TET2: variants seen among roughly 807,000 people sequenced by gnomAD.
TET2 encodes methylcytosine dioxygenase TET2.
A neutral mutation model predicts 142.9 loss-of-function variants in TET2; 299 were observed. The observed-to-expected ratio is 2.09, with a 90% CI of 1.90 to 2.30. TET2 has a LOEUF of 2.30. Among genes scored for constraint, TET2 ranks in the 30% most tolerant of loss-of-function variants. The pLI is 0.00. For missense variants in TET2, 2,418 were observed against 2,378.0 expected (o/e 1.02, Z -0.35); for synonymous variants, 819 against 849.0 (o/e 0.96, Z 0.61).
chr4:105,218,097 T>G (rs1018237765), intron 2 of TET2, among the ~76,000 whole-genome samples: 1 of 152,118 alleles, frequency 6.6e-6, no homozygotes, highest in African/African-American at 2.4e-5. Flanking sequence ...TTTTTAATTT[T>G]CAAAATATTA....
intron 1 of TET2, among the ~76,000 whole-genome samples, chr4:105,177,301 C>A (rs1724855718): frequency 6.6e-6 from 1 of 152,166 alleles, no homozygotes; most frequent in African/African-American, 2.4e-5. Context: ...AAATTTAAAA[C>A]TTCTGCTCTG....
At chr4:105,249,115 T>A (rs1190971021) in intron 6 of TET2, among the ~76,000 whole-genome samples, 1 of 151,668 alleles carries the variant, frequency 6.6e-6, no homozygotes, top group Non-Finnish European at 1.5e-5. Context: ...GCAACCTCTG[T>A]CTCCCGGGTT....
intron 3 of TET2, chr4:105,239,533 A>G (rs1223792117): frequency 4.2e-6 from 1 of 238,572 alleles, no homozygotes. Flanking sequence ...CTAGCTTCCA[A>G]CTTCTCTTCT....
In TET2 at chr4:105,235,164, C is replaced by A. The variant is rs2110225681; in HGVS notation, c.1222C>A (p.Pro408Thr). The A allele has an allele frequency of 6.2e-7, 1 of 1,613,736 alleles. No individual in the cohort carries two copies. Among genetic ancestry groups the A allele is most frequent in the Non-Finnish European group, 8.5e-7 (1 of 1,179,824 alleles). Residue 408 changes from proline (P) to threonine (T), a missense_variant, in exon 3 of 11, where the codon CCC becomes ACC. Physicochemically the swap from Pro to Thr is conservative, Grantham distance 38. Transcript: ENST00000380013. Reference protein sequence around the residue: ...PPPPSQLLLSPPPPLPQVPQL... With the variant: ...PPPPSQLLLSTPPPLPQVPQL... The stretch of plus-strand genomic sequence containing the variant: ...ACCACCATCACAATTGCTTCTTTCT[C>A]CCCCTCCTCCTCTTCCACAGGTTCC...
At chr4:105,248,609 A>G (rs1271167508) in intron 6 of TET2, among the ~76,000 whole-genome samples, 2 of 152,224 alleles carry the variant, frequency 1.3e-5, no homozygotes, top group Non-Finnish European at 2.9e-5. Context: ...ACTTTATTAG[A>G]AAATCAACTT....
At chr4:105,258,361 C>T (rs1730245644) in intron 6 of TET2, among the ~76,000 whole-genome samples, 1 of 152,092 alleles carries the variant, frequency 6.6e-6, no homozygotes, top group South Asian at 2.1e-4. Context: ...GAATACTTTA[C>T]AGGACTTTTC....
chr4:105,235,806 C>T lies in TET2; in HGVS notation c.1864C>T (p.Gln622Ter), dbSNP rs1267284740. 1 of 1,614,076 alleles carries T rather than the reference C, an allele frequency of 6.2e-7. No homozygotes were observed. Among genetic ancestry groups the T allele is most frequent in the Non-Finnish European group, 8.5e-7 (1 of 1,180,016 alleles). ...GGGGCTCCCAAGGCAAGCTTACACC[C>T]AGAAAACAACACAGCTGGAGCACAA... ...PGGLPRQAYT[Q>*]KTTQLEHKSQ... Residue 622 changes from glutamine to a stop codon, truncating the protein, a stop_gained, in exon 3 of 11, where the codon CAG becomes TAG. Coordinates refer to ENST00000380013, the MANE Select transcript of TET2 (RefSeq NM_001127208.3). LOFTEE classifies it high-confidence loss of function.
In TET2 at chr4:105,275,888, C is replaced by T. The variant is rs892395208; in HGVS notation, c.5378C>T (p.Thr1793Ile). The T allele has an allele frequency of 2.6e-6, 4 of 1,551,930 alleles. No homozygotes were observed. Among genetic ancestry groups the T allele is most frequent in the African/African-American group, 1.4e-5 (1 of 73,050 alleles). ...AAGGAGAATGACATGCTTTCCCACA[C>T]AGCTAATGGGTTATCAAAGATGCTT... The part of the protein sequence containing the change: ...QNKENDMLSH[T>I]ANGLSKMLPA... Residue 1793 changes from threonine (T) to isoleucine (I), a missense_variant, in exon 11 of 11, where the codon ACA becomes ATA. Physicochemically the swap from Thr to Ile is moderately conservative, Grantham distance 89. Coordinates refer to ENST00000380013, the MANE Select transcript of TET2 (RefSeq NM_001127208.3).
At position 105,276,341 on chromosome 4, in the gene TET2, C is replaced by T; in HGVS notation, c.5831C>T (p.Ser1944Phe). The change falls in exon 11 of 11, where the codon TCC becomes TTC. Residue 1944 changes from serine to phenylalanine, a missense_variant. Coordinates refer to ENST00000380013, the MANE Select transcript of TET2 (RefSeq NM_001127208.3). ...KYGPDYVPQKSHGKKVKREPA... is the reference protein window; with the variant it reads ...KYGPDYVPQKFHGKKVKREPA... ...GGCCCAGACTATGTGCCTCAGAAAT[C>T]CCATGGCAAAAAAGTGAAACGGGAG... The T allele has an allele frequency of 1.3e-6, 2 of 1,551,620 alleles. No individual in the cohort carries two copies. Among genetic ancestry groups the T allele is most frequent in the Non-Finnish European group, 1.7e-6 (2 of 1,146,966 alleles).
chr4:105,210,056 G>A (rs1394077846), intron 2 of TET2, among the ~76,000 whole-genome samples: 1 of 152,134 alleles, frequency 6.6e-6, no homozygotes, highest in African/African-American at 2.4e-5. Flanking sequence ...GTAACTGCGT[G>A]GATGATAGTA....
At chr4:105,159,169 A>G (rs2110369508) in intron 1 of TET2, among the ~76,000 whole-genome samples, 1 of 152,038 alleles carries the variant, frequency 6.6e-6, no homozygotes, top group Admixed American at 6.5e-5. Context: ...TTAGGTCAGG[A>G]TATTCCCTAA....
Position 105,277,233 on chromosome 4 carries a change from T to TA in TET2, c.*715dup, listed in dbSNP as rs1731268058. 1 of 227,638 alleles carries TA rather than the reference T, an allele frequency of 4.4e-6. No individual in the cohort carries two copies. The highest frequency in any genetic ancestry group is 6.3e-5 in the East Asian group (1 of 15,750). The allele number at this position is 227,638 out of a possible 1,614,324, so 14.1% of individuals were successfully genotyped here. On this transcript the variant is annotated 3_prime_UTR_variant, in exon 11 of 11. Coordinates refer to ENST00000380013, the MANE Select transcript of TET2 (RefSeq NM_001127208.3). Reference sequence around the variant, plus strand: ...AGGGGTACCTTTTCATTCAAGTTTTTATCATAATTACCTATTCTTACACAA... The same window carrying TA: ...AGGGGTACCTTTTCATTCAAGTTTTTAATCATAATTACCTATTCTTACACAA...
At chr4:105,211,724 G>A (rs1727173888) in intron 2 of TET2, among the ~76,000 whole-genome samples, 1 of 152,186 alleles carries the variant, frequency 6.6e-6, no homozygotes, top group East Asian at 1.9e-4. Flanking sequence ...TCTGTATGAA[G>A]GAGTAAATGG....
chr4:105,156,740 A>G (rs991545975), intron 1 of TET2, among the ~76,000 whole-genome samples: 8 of 152,222 alleles, frequency 5.3e-5, no homozygotes, highest in African/African-American at 1.7e-4. Context: ...ACCTGTCTGC[A>G]CTAAGAAGGG....
intron 9 of TET2, among the ~76,000 whole-genome samples, chr4:105,270,635 T>C (rs1297411336): frequency 6.6e-6 from 1 of 151,636 alleles, no homozygotes; most frequent in East Asian, 1.9e-4. Context: ...GGATCGGTCT[T>C]GTAATTGGAG....
Position 105,276,423 on chromosome 4 carries a change from T to C in TET2, c.5913T>C (p.Leu1971=). ...CTTACCTGCGTTTCATCAAGTCTCT[T>C]GCCGAAAGGACCATGTCCGTGACCA... ...EPTYLRFIKS[L]AERTMSVTTD... The change falls in exon 11 of 11, where the codon CTT becomes CTC. Residue 1971 remains leucine (L), a synonymous_variant. Coordinates refer to ENST00000380013, the MANE Select transcript of TET2 (RefSeq NM_001127208.3). The C allele has an allele frequency of 6.4e-7, 1 of 1,551,958 alleles. No homozygotes were observed. Among genetic ancestry groups the C allele is most frequent in the Non-Finnish European group, 8.7e-7 (1 of 1,147,042 alleles).
Position 105,236,721 on chromosome 4 carries a change from GT to G in TET2, c.2784del (p.Pro929LeufsTer24). The part of the protein sequence containing the change: ...QRYLIHNHAN[V>X]FPVPDQGGSH... ...GTACTTGATACATAACCATGCAAAT[GT>G]TTTTCCTGTGCCTGACCAGGGAGGA... On this transcript the variant is annotated frameshift_variant, in exon 3 of 11. Coordinates refer to ENST00000380013, the MANE Select transcript of TET2 (RefSeq NM_001127208.3). LOFTEE classifies it high-confidence loss of function. 6.2e-7 allele frequency: 1 copy of G among 1,614,058 alleles called. No homozygotes were observed. The highest frequency in any genetic ancestry group is 8.5e-7 in the Non-Finnish European group (1 of 1,180,004).
chr4:105,234,775 A>G lies in TET2; in HGVS notation c.833A>G (p.Gln278Arg), dbSNP rs1361107386. 1 of 1,613,974 alleles carries G rather than the reference A, an allele frequency of 6.2e-7. No homozygotes were observed. Residue 278 changes from glutamine to arginine, a missense_variant, in exon 3 of 11, where the codon CAG (glutamine) becomes CGG (arginine). By Grantham distance (43) the Gln-to-Arg change is conservative (BLOSUM62 1). Coordinates refer to ENST00000380013, the MANE Select transcript of TET2 (RefSeq NM_001127208.3). ...ACCTCAGGGCAGATCAATTCCGCAC[A>G]GACCTCTAACTCTGAGCTGCCTCCA... ...SHTSGQINSA[Q>R]TSNSELPPKP...
intron 10 of TET2, 137 bp from the exon 11 acceptor site, chr4:105,274,911 C>T: frequency 8.6e-7 from 1 of 1,166,196 alleles, no homozygotes; most frequent in Non-Finnish European, 1.2e-6. Context: ...CCTGACTTTG[C>T]TCTTATCTTT....
Sources: allele counts gnomAD v4.1 joint callset (sites outside exome capture counted in the v4.1 genomes callset), GRCh38; gene constraint gnomAD v4.1.1; transcripts MANE v1.5; gene names NCBI Gene and HGNC (gene_info 2026-07-23, HGNC 2026-07-21).